The following CDH13 variants were observed in gnomAD, a reference collection of about 807,000 sequenced individuals.
CDH13 encodes the protein cadherin-13.
A neutral mutation model predicts 63.8 loss-of-function variants in CDH13; 24 were observed. That is an observed-to-expected ratio of 0.38 (90% CI 0.27 to 0.53). The LOEUF (loss-of-function observed/expected upper bound fraction) is 0.53, where lower values mean the gene tolerates loss of function less well. Among genes scored for constraint, CDH13 ranks in the 20% least tolerant of loss-of-function variants. CDH13 has a pLI of 0.85. For missense variants in CDH13, 1,049 were observed against 903.1 expected (o/e 1.16, Z -2.07); for synonymous variants, 503 against 355.3 (o/e 1.42, Z -4.67).
chr16:83,430,323 C>T (rs1356993310), intron 6 of CDH13, among the ~76,000 whole-genome samples: 2 of 152,144 alleles, frequency 1.3e-5, no homozygotes, highest in East Asian at 3.9e-4. Context: ...TGGAGAAATA[C>T]ACACACATAC....
chr16:83,667,015 A>G (rs1424076009), intron 8 of CDH13, among the ~76,000 whole-genome samples: 1 of 130,610 alleles, frequency 7.7e-6, no homozygotes, highest in African/African-American at 2.7e-5. Context: ...GGATGGATGG[A>G]TGGATGGATG....
At chr16:83,401,220 C>G (rs548783971) in intron 6 of CDH13, among the ~76,000 whole-genome samples, 2 of 152,116 alleles carry the variant, frequency 1.3e-5, no homozygotes, top group South Asian at 4.1e-4. Context: ...CGCCTGTAAT[C>G]CCAGCTACTT....
chr16:83,313,679 G>C (rs1194421003), intron 5 of CDH13, among the ~76,000 whole-genome samples: 1 of 149,822 alleles, frequency 6.7e-6, no homozygotes, highest in African/African-American at 2.5e-5. Context: ...GAGGTCCTTG[G>C]TATTACCAAT....
chr16:82,891,220 G>A (rs2041069644), intron 2 of CDH13, among the ~76,000 whole-genome samples: 1 of 152,026 alleles, frequency 6.6e-6, no homozygotes, highest in South Asian at 2.1e-4. Context: ...GAACTTATGT[G>A]GAGAATCTAT....
chr16:83,038,351 G>T (rs1294934899), intron 3 of CDH13, among the ~76,000 whole-genome samples: 1 of 152,074 alleles, frequency 6.6e-6, no homozygotes, highest in Non-Finnish European at 1.5e-5. Flanking sequence ...AGCTATTTCT[G>T]CATTTTTAAT....
intron 1 of CDH13, among the ~76,000 whole-genome samples, chr16:82,629,474 A>G (rs1225289583): frequency 6.6e-6 from 1 of 152,200 alleles, no homozygotes; most frequent in Non-Finnish European, 1.5e-5. Context: ...CCATAGAAAA[A>G]AGTGGGGAAA....
intron 2 of CDH13, among the ~76,000 whole-genome samples, chr16:82,958,855 A>G (rs1906520750): frequency 6.6e-6 from 1 of 152,234 alleles, no homozygotes; most frequent in Non-Finnish European, 1.5e-5. Flanking sequence ...CTGGGTGAGT[A>G]CTCAGCCTGA....
intron 1 of CDH13, among the ~76,000 whole-genome samples, chr16:82,836,752 C>A (rs552994871): frequency 5.3e-5 from 8 of 152,258 alleles, no homozygotes; most frequent in Middle Eastern, 3.4e-3. Flanking sequence ...AAGGCTCTAC[C>A]CCAACTCATA....
At chr16:83,610,281 G>A (rs1049998017) in intron 8 of CDH13, among the ~76,000 whole-genome samples, 1 of 151,832 alleles carries the variant, frequency 6.6e-6, no homozygotes, top group African/African-American at 2.4e-5. Flanking sequence ...TTAGTAATCT[G>A]TAATTCCTCA....
At chr16:82,782,405 C>G (rs62034546) in intron 1 of CDH13, among the ~76,000 whole-genome samples, 1 of 151,876 alleles carries the variant, frequency 6.6e-6, no homozygotes, top group Non-Finnish European at 1.5e-5. Context: ...ACTAAAAATA[C>G]AAACATTAGC....
At chr16:82,660,084 A>G (rs1457651633) in intron 1 of CDH13, among the ~76,000 whole-genome samples, 1 of 152,188 alleles carries the variant, frequency 6.6e-6, no homozygotes, top group Non-Finnish European at 1.5e-5. Context: ...TAAATTTTAA[A>G]AAGCAGAAAG....
At chr16:83,574,560 AC>A (rs1178814481) in intron 7 of CDH13, among the ~76,000 whole-genome samples, 1 of 152,170 alleles carries the variant, frequency 6.6e-6, no homozygotes, top group African/African-American at 2.4e-5. Flanking sequence ...CTCACCACTT[AC>A]CAACCACACA....
chr16:82,851,017 C>G (rs969340680), intron 1 of CDH13, among the ~76,000 whole-genome samples: 1 of 152,156 alleles, frequency 6.6e-6, no homozygotes, highest in African/African-American at 2.4e-5. Flanking sequence ...TGGTCTGGAA[C>G]CGAACCTGCA....
At chr16:83,701,940 G>C (rs370143888) in intron 10 of CDH13, among the ~76,000 whole-genome samples, 1 of 152,132 alleles carries the variant, frequency 6.6e-6, no homozygotes, top group Non-Finnish European at 1.5e-5. Flanking sequence ...TGGGACTTTG[G>C]GTAAGTTACT....
intron 3 of CDH13, among the ~76,000 whole-genome samples, chr16:83,092,403 G>A (rs1254884035): frequency 6.6e-6 from 1 of 152,150 alleles, no homozygotes; most frequent in Admixed American, 6.5e-5. Flanking sequence ...ATTTTCATGA[G>A]GCAAGGTCTT....
intron 7 of CDH13, among the ~76,000 whole-genome samples, chr16:83,497,931 T>C (rs568799444): frequency 6.6e-6 from 1 of 152,234 alleles, no homozygotes; most frequent in African/African-American, 2.4e-5. Flanking sequence ...TAATCATGGG[T>C]GATGGGTCTG....
At chr16:82,985,856 T>C (rs1373178558) in intron 2 of CDH13, among the ~76,000 whole-genome samples, 3 of 152,092 alleles carry the variant, frequency 2.0e-5, no homozygotes, top group South Asian at 2.1e-4. Context: ...TCTGGTCGTT[T>C]AAAAGCACAT....
rs574126082 is a variant in CDH13 at position 82,984,680 on chromosome 16, G to T, written c.158-47330G>T. Among the ~76,000 whole-genome samples the T allele has an allele frequency of 4.6e-5, 7 of 152,248 alleles. No homozygotes were observed. The South Asian group carries it at 1.5e-3, about 32-fold the overall frequency. ...CCGCTTTACAGATGGAAAGATTGAGGCATCAAGAGGTCACATAACTTGCTA... is the reference window on the plus strand; with the variant it reads ...CCGCTTTACAGATGGAAAGATTGAGTCATCAAGAGGTCACATAACTTGCTA... On this transcript the variant is annotated intron_variant, in intron 2 of 13. Transcript: ENST00000567109.
chr16:82,857,836 G>A (rs554868597), intron 1 of CDH13, among the ~76,000 whole-genome samples: 1 of 148,358 alleles, frequency 6.7e-6, no homozygotes, highest in Non-Finnish European at 1.5e-5. Context: ...CAACATGTCA[G>A]TTTCAGACCT....
Sources: allele counts gnomAD v4.1 joint callset (sites outside exome capture counted in the v4.1 genomes callset), GRCh38; gene constraint gnomAD v4.1.1; transcripts MANE v1.5; gene names NCBI Gene and HGNC (gene_info 2026-07-23, HGNC 2026-07-21).